ITPK1: variants seen among roughly 807,000 people sequenced by gnomAD.
ITPK1 encodes inositol 1,3,4-trisphosphate 5/6-kinase.
Under a neutral mutation model 45.3 loss-of-function variants are expected in ITPK1, and 21 were observed. That is an observed-to-expected ratio of 0.46 (90% CI 0.33 to 0.67). The LOEUF is 0.67. Ranked by LOEUF, ITPK1 falls within the 30% of genes least tolerant of loss-of-function variation. The probability of loss-of-function intolerance (pLI) is 0.02; values close to 1 mark genes in which losing one functional copy is unlikely to be tolerated. For synonymous variants in ITPK1, 258 were observed against 253.6 expected, an observed-to-expected ratio of 1.02 and a Z score of -0.16; for missense variants, 474 against 573.5, an observed-to-expected ratio of 0.83 and a Z score of 1.77.
At chr14:93,004,810 G>A (rs1048882692) in intron 4 of ITPK1, among the ~76,000 whole-genome samples, 1 of 150,626 alleles carries the variant, frequency 6.6e-6, no homozygotes, top group Non-Finnish European at 1.5e-5. Flanking sequence ...GGGCTGGGGA[G>A]GAGCCTGCTG....
intron 4 of ITPK1, among the ~76,000 whole-genome samples, chr14:93,002,625 G>A (rs1038322645): frequency 4.6e-5 from 7 of 152,158 alleles, no homozygotes; most frequent in African/African-American, 7.2e-5. Context: ...CAGGGAGGCC[G>A]GGTGTGTTCC....
rs940694317 is a variant in ITPK1 at position 92,940,791 on chromosome 14, G to C, written c.*770C>G. 2 of 1,287,952 alleles carry C rather than the reference G, an allele frequency of 1.6e-6. No homozygotes were observed. The highest frequency in any genetic ancestry group is 3.0e-5 in the African/African-American group (2 of 65,850). 79.8% of individuals were successfully genotyped at this position (1,287,952 alleles called of 1,614,324 possible). ...CAAATCCTCAGCACAGGCGCCATCG[G>C]CTCGGGCCTCCAGCCAGGCAGCCTC... On this transcript the variant is annotated 3_prime_UTR_variant, in exon 11 of 11. Transcript: ENST00000267615.
At position 93,029,575 on chromosome 14, in the gene ITPK1, G is replaced by C. The variant is rs565865054; in HGVS notation, c.121-12774C>G. On this transcript the variant is annotated intron_variant, in intron 3 of 10. Transcript: ENST00000267615. ...GACATGGGCCCCAGGAAGCCCAAAA[G>C]GCACAGAGGCTCCAGGCAGCTGTGC... Among the ~76,000 whole-genome samples the C allele has an allele frequency of 4.3e-4, 66 of 152,258 alleles. 1 individual carries two copies. In the Middle Eastern group the frequency reaches 0.01, roughly 24 times the overall value.
At chr14:92,991,298 T>C (rs1371901717) in intron 5 of ITPK1, among the ~76,000 whole-genome samples, 1 of 152,040 alleles carries the variant, frequency 6.6e-6, no homozygotes, top group East Asian at 1.9e-4. Flanking sequence ...GGACAGCCAC[T>C]GGGGGTCAGG....
At chr14:93,069,772 G>T (rs1319243330) in intron 3 of ITPK1, 1 of 152,206 alleles carries the variant, frequency 6.6e-6, no homozygotes, top group African/African-American at 2.4e-5. Context: ...CCTTTTCTTG[G>T]TGGTTTGATG....
intron 3 of ITPK1, among the ~76,000 whole-genome samples, chr14:93,060,943 G>T (rs1200430668): frequency 1.3e-5 from 2 of 152,238 alleles, no homozygotes; most frequent in Non-Finnish European, 2.9e-5. Flanking sequence ...GGGGGACACA[G>T]GCTCCACAAT....
chr14:92,985,679 G>T (rs542429514), intron 5 of ITPK1, among the ~76,000 whole-genome samples: 82 of 152,172 alleles, frequency 5.4e-4, no homozygotes, highest in African/African-American at 1.7e-3. Context: ...ATGCCTGGCA[G>T]GGTCTGGTCT....
intron 5 of ITPK1, among the ~76,000 whole-genome samples, chr14:92,992,141 C>T (rs1057356778): frequency 3.3e-5 from 5 of 152,190 alleles, no homozygotes; most frequent in Non-Finnish European, 5.9e-5. Flanking sequence ...CATCACTCTT[C>T]GAATGGACTT....
intron 5 of ITPK1, among the ~76,000 whole-genome samples, chr14:92,975,204 G>C (rs2038155935): frequency 6.6e-6 from 1 of 152,224 alleles, no homozygotes; most frequent in Admixed American, 6.5e-5. Context: ...CATGGCCAAG[G>C]GCCTGCCTAT....
intron 5 of ITPK1, among the ~76,000 whole-genome samples, chr14:92,974,304 C>T (rs4905018): frequency 0.018 from 2,756 of 152,262 alleles, 73 homozygotes; most frequent in Admixed American, 0.08. Flanking sequence ...ATGAACAGTC[C>T]TGGATGAGAT....
Position 92,946,455 on chromosome 14 carries a change from G to A in ITPK1, c.777C>T (p.Asp259=), listed in dbSNP as rs144084022. ...KIEGVFERPS[D]EVIRELSRAL... is the part of the protein sequence containing the mutation. ...CCCGGGAGAGCTCCCGGATGACCTC[G>A]TCGCTCGGCCGCTCGAACACGCCCT... Residue 259 remains aspartate (D), a synonymous_variant, in exon 10 of 11, where the codon GAC becomes GAT. Transcript: ENST00000267615. The A allele has an allele frequency of 6.5e-5, 105 of 1,612,798 alleles. No individual in the cohort carries two copies. The highest frequency in any genetic ancestry group is 2.8e-4 in the Admixed American group (17 of 60,002).
intron 5 of ITPK1, among the ~76,000 whole-genome samples, chr14:92,989,814 G>A (rs1313271800): frequency 6.6e-6 from 1 of 152,134 alleles, no homozygotes; most frequent in Non-Finnish European, 1.5e-5. Flanking sequence ...CATGGGTATG[G>A]GTATAGGCAT....
chr14:93,099,694 C>T (rs889779922), intron 2 of ITPK1, among the ~76,000 whole-genome samples: 3 of 152,186 alleles, frequency 2.0e-5, no homozygotes, highest in African/African-American at 7.2e-5. Flanking sequence ...GCTGCCCATG[C>T]AGCCACAGCC....
chr14:92,985,177 C>T (rs1219866639), intron 5 of ITPK1, among the ~76,000 whole-genome samples: 1 of 152,022 alleles, frequency 6.6e-6, no homozygotes, highest in African/African-American at 2.4e-5. Flanking sequence ...GTCAAGGTTC[C>T]AAAGTGTCAA....
At chr14:92,965,899 A>C (rs550791730) in intron 5 of ITPK1, among the ~76,000 whole-genome samples, 1 of 152,334 alleles carries the variant, frequency 6.6e-6, no homozygotes, top group South Asian at 2.1e-4. Flanking sequence ...GCTACTCAGG[A>C]GGCCGAGGCA....
At chr14:92,998,784 A>G (rs1409913141) in intron 4 of ITPK1, 12 of 152,198 alleles carry the variant, frequency 7.9e-5, no homozygotes, top group Non-Finnish European at 1.5e-5. Context: ...AAGAAGAAAT[A>G]AGAGCCAGCT....
intron 5 of ITPK1, among the ~76,000 whole-genome samples, chr14:92,991,256 C>G (rs1886774402): frequency 6.6e-6 from 1 of 152,138 alleles, no homozygotes; most frequent in Admixed American, 6.5e-5. Context: ...TGGGGGCATG[C>G]AGCAGGGACC....
At chr14:93,082,581 C>G (rs1350308939) in intron 2 of ITPK1, among the ~76,000 whole-genome samples, 1 of 152,222 alleles carries the variant, frequency 6.6e-6, no homozygotes, top group African/African-American at 2.4e-5. Flanking sequence ...GTCTTGTGAC[C>G]TGCACTCTGC....
At chr14:93,033,752 A>T (rs1295488223) in intron 3 of ITPK1, among the ~76,000 whole-genome samples, 4 of 152,170 alleles carry the variant, frequency 2.6e-5, no homozygotes, top group Non-Finnish European at 5.9e-5. Flanking sequence ...GGAACCAGGG[A>T]GGGTTTCTCC....
Sources: gnomAD v4.1 joint callset for allele counts (sites outside exome capture counted in the v4.1 genomes callset) on GRCh38, gnomAD v4.1.1 for gene constraint, MANE v1.5 for transcripts, NCBI Gene and HGNC (gene_info 2026-07-23, HGNC 2026-07-21) for gene names.